Variants in FMN1 observed in about 807,000 individuals in gnomAD.
The protein encoded by FMN1 is formin 1, also known as formin-1.
A neutral mutation model predicts 132.4 loss-of-function variants in FMN1; 110 were observed. That is an observed-to-expected ratio of 0.83 (90% confidence interval 0.71 to 0.97). The LOEUF is 0.97. Ranked by LOEUF, FMN1 falls within the 50% of genes least tolerant of loss-of-function variation. FMN1 has a pLI of 0.00. For missense variants in FMN1, 1,792 were observed against 1,705.3 expected (o/e 1.05, Z -0.90); for synonymous variants, 722 against 651.7 (o/e 1.11, Z -1.64).
intron 4 of FMN1, among the ~76,000 whole-genome samples, chr15:33,134,025 C>T (rs1457648943): frequency 6.6e-6 from 1 of 152,168 alleles, no homozygotes; most frequent in Non-Finnish European, 1.5e-5. Flanking sequence ...ACAGTCATCG[C>T]TCACTGCAGC....
intron 6 of FMN1, among the ~76,000 whole-genome samples, chr15:33,042,486 A>G (rs906556176): frequency 6.6e-6 from 1 of 152,238 alleles, no homozygotes; most frequent in African/African-American, 2.4e-5. Flanking sequence ...AGATATTTAA[A>G]TAACTTTAAA....
chr15:33,161,869 G>A (rs1359300191), intron 3 of FMN1, among the ~76,000 whole-genome samples: 6 of 151,234 alleles, frequency 4.0e-5, no homozygotes, highest in Non-Finnish European at 7.4e-5. Context: ...AATGAGACGA[G>A]ATCGTGCCAC....
intron 4 of FMN1, among the ~76,000 whole-genome samples, chr15:33,141,954 C>T (rs554765010): frequency 1.3e-5 from 2 of 152,266 alleles, no homozygotes; most frequent in Admixed American, 6.5e-5. Context: ...ACACAGCATA[C>T]ACTATACCAA....
intron 16 of FMN1, among the ~76,000 whole-genome samples, chr15:32,883,083 T>C (rs574227679): frequency 6.6e-5 from 10 of 152,316 alleles, no homozygotes; most frequent in Admixed American, 2.0e-4. Context: ...TGAATATCCA[T>C]TAGATTAGCA....
chr15:33,031,459 G>A (rs1044838466), intron 6 of FMN1, among the ~76,000 whole-genome samples: 7 of 152,128 alleles, frequency 4.6e-5, no homozygotes, highest in African/African-American at 1.7e-4. Flanking sequence ...TACAGACCTC[G>A]TGGCATGACC....
At chr15:33,054,767 C>T (rs912144693) in intron 6 of FMN1, among the ~76,000 whole-genome samples, 1 of 152,118 alleles carries the variant, frequency 6.6e-6, no homozygotes, top group African/African-American at 2.4e-5. Flanking sequence ...TTCTTTCCAA[C>T]AGTTTTTGGT....
chr15:33,003,593 A>C (rs1383939881), intron 7 of FMN1, among the ~76,000 whole-genome samples: 1 of 152,224 alleles, frequency 6.6e-6, no homozygotes, highest in African/African-American at 2.4e-5. Flanking sequence ...GGTAAGAATC[A>C]ATATCGTGAA....
intron 6 of FMN1, among the ~76,000 whole-genome samples, chr15:33,030,804 C>G (rs1034728359): frequency 2.8e-4 from 43 of 152,094 alleles, no homozygotes; most frequent in Admixed American, 1.0e-3. Flanking sequence ...CTCAAATAAT[C>G]TATATAAACC....
intron 2 of FMN1, among the ~76,000 whole-genome samples, chr15:33,187,547 G>A (rs988049904): frequency 6.6e-6 from 1 of 152,202 alleles, no homozygotes; most frequent in Admixed American, 6.5e-5. Context: ...AGGTAAGTAG[G>A]AACCATAGGA....
chr15:32,953,081 G>A (rs1032436491), intron 9 of FMN1, among the ~76,000 whole-genome samples: 5 of 152,090 alleles, frequency 3.3e-5, no homozygotes, highest in African/African-American at 4.8e-5. Context: ...GGAAGCGAGC[G>A]AGCATGATTT....
At chr15:32,957,608 T>C (rs534657147) in intron 9 of FMN1, among the ~76,000 whole-genome samples, 3 of 152,260 alleles carry the variant, frequency 2.0e-5, no homozygotes, top group African/African-American at 7.2e-5. Flanking sequence ...GTTTTAGGAA[T>C]TGACACATTA....
chr15:33,018,704 A>G (rs1200008350), intron 6 of FMN1, among the ~76,000 whole-genome samples: 3 of 152,010 alleles, frequency 2.0e-5, no homozygotes, highest in Non-Finnish European at 2.9e-5. Flanking sequence ...GACCCTTGCC[A>G]TGACTGTTAC....
At chr15:32,854,937 CA>C (rs904525644) in intron 17 of FMN1, among the ~76,000 whole-genome samples, 2 of 149,370 alleles carry the variant, frequency 1.3e-5, no homozygotes, top group Middle Eastern at 3.5e-3. Context: ...AAAAAACAAA[CA>C]AAAAAAAGAG....
chr15:33,128,871 G>A (rs772344623), intron 4 of FMN1, among the ~76,000 whole-genome samples: 2 of 152,038 alleles, frequency 1.3e-5, no homozygotes, highest in African/African-American at 2.4e-5. Flanking sequence ...AGAGGCCTGC[G>A]TGCGTGGCCA....
chr15:33,092,559 T>A (rs1239511705), intron 4 of FMN1, among the ~76,000 whole-genome samples: 2 of 152,074 alleles, frequency 1.3e-5, no homozygotes, highest in African/African-American at 4.8e-5. Context: ...ACGAACATGG[T>A]CCTCGGGAGC....
At chr15:33,076,025 G>A (rs1052116353) in intron 5 of FMN1, among the ~76,000 whole-genome samples, 1 of 152,090 alleles carries the variant, frequency 6.6e-6, no homozygotes, top group East Asian at 1.9e-4. Flanking sequence ...AGTGTCAAAG[G>A]TCCTCTAGAA....
chr15:32,930,722 G>C (rs550896133), intron 9 of FMN1, among the ~76,000 whole-genome samples: 8 of 151,450 alleles, frequency 5.3e-5, no homozygotes, highest in Non-Finnish European at 1.0e-4. Context: ...GCTTTTTTTG[G>C]GGGGGGGCGG....
chr15:32,805,399 T>C (rs556662415), intron 17 of FMN1, among the ~76,000 whole-genome samples: 10 of 152,376 alleles, frequency 6.6e-5, no homozygotes, highest in Non-Finnish European at 1.3e-4. Context: ...TTCTGGATAT[T>C]AGCCCTTTGT....
rs186048484 is a variant in FMN1 at position 32,924,150 on chromosome 15, G to C, written c.3226+2024C>G. Among the ~76,000 whole-genome samples the C allele has an allele frequency of 1.2e-4, 19 of 152,122 alleles. No individual in the cohort carries two copies. In the East Asian group the frequency reaches 3.3e-3, roughly 26 times the overall value. On this transcript the variant is annotated intron_variant, in intron 10 of 20. Transcript: ENST00000616417. ...TCAATTCTTCTGGAAGATCTAACTT[G>C]AGATTCTTCTAAAGTCCCTGAAGAA...
Sources: gnomAD v4.1 joint callset for allele counts (sites outside exome capture counted in the v4.1 genomes callset) on GRCh38, gnomAD v4.1.1 for gene constraint, MANE v1.5 for transcripts, NCBI Gene and HGNC (gene_info 2026-07-23, HGNC 2026-07-21) for gene names.